The following ZNF695 variants were observed in gnomAD, a reference collection of about 807,000 sequenced individuals.
ZNF695 encodes zinc finger protein 695.
In ZNF695, 11 loss-of-function variants were observed where a neutral mutation model predicts 11.2. The observed-to-expected ratio is 0.98, with a 90% CI of 0.62 to 1.62. The LOEUF is 1.62. Among genes scored for constraint, ZNF695 ranks in the 40% most tolerant of loss-of-function variants. ZNF695 has a pLI of 0.00. For synonymous variants in ZNF695, 190 were observed against 201.4 expected, an observed-to-expected ratio of 0.94 and a Z score of 0.48; for missense variants, 559 against 590.5, an observed-to-expected ratio of 0.95 and a Z score of 0.55.
chr1:246,970,198 A>T (rs1337281429), intron 4 of ZNF695, among the ~76,000 whole-genome samples: 1 of 152,232 alleles, frequency 6.6e-6, no homozygotes, highest in East Asian at 1.9e-4. Context: ...CCGACAGTGA[A>T]AGAGTGATTG....
chr1:246,962,850 G>A (rs1302852274), intron 5 of ZNF695, among the ~76,000 whole-genome samples: 3 of 151,906 alleles, frequency 2.0e-5, no homozygotes, highest in Non-Finnish European at 2.9e-5. Context: ...CCGCCACCAC[G>A]CCCGGCTAAT....
At chr1:246,981,365 A>G (rs1260261485), downstream of ZNF695, among the ~76,000 whole-genome samples, 1 of 152,228 alleles carries the variant, frequency 6.6e-6, no homozygotes, top group East Asian at 1.9e-4. Flanking sequence ...TGACACAGCA[A>G]TTTTACTATT....
chr1:246,982,531 A>G (rs1668736839), downstream of ZNF695, among the ~76,000 whole-genome samples: 2 of 152,216 alleles, frequency 1.3e-5, no homozygotes, highest in Non-Finnish European at 2.9e-5. Flanking sequence ...ATAGTCCAAT[A>G]TTATTAAAGC....
At chr1:246,976,523 G>A (rs755362194) in intron 4 of ZNF695, among the ~76,000 whole-genome samples, 16 of 151,950 alleles carry the variant, frequency 1.1e-4, no homozygotes, top group East Asian at 3.8e-4. Flanking sequence ...GGCCGGGCGC[G>A]GTGGCTCACA....
At chr1:247,000,560 T>A (rs1343178434) in intron 1 of ZNF695, among the ~76,000 whole-genome samples, 2 of 152,172 alleles carry the variant, frequency 1.3e-5, no homozygotes, top group East Asian at 3.8e-4. Flanking sequence ...CTCTAATGTA[T>A]TCTCTCTGAG....
rs551315725 is a variant in ZNF695 at position 246,945,725 on chromosome 1, G to C, written c.*72C>G. 4.6e-6 allele frequency: 7 copies of C among 1,509,242 alleles called. No homozygotes were observed. In the East Asian group the frequency reaches 1.5e-4, roughly 32 times the overall value. The allele number at this position is 1,509,242 out of a possible 1,614,324, so 93.5% of individuals were successfully genotyped here. A position where few individuals can be genotyped will look rare whatever the true frequency, so the allele number is the denominator to read the frequency against. ...ACTCGGGCTGACGCAGCTGGACCCG[G>C]TGTAAATTCGCCTCACGGAGCAGGG... On this transcript the variant is annotated 3_prime_UTR_variant, in exon 6 of 6. Transcript: ENST00000487338.
downstream of ZNF695, among the ~76,000 whole-genome samples, chr1:246,981,254 A>G (rs149452114): frequency 0.018 from 2,710 of 152,316 alleles, 54 homozygotes; most frequent in Admixed American, 0.056. Context: ...GTGGGGAAAG[A>G]AAAATGCTAG....
At chr1:246,951,928 G>C (rs553038226) in intron 5 of ZNF695, among the ~76,000 whole-genome samples, 1 of 152,254 alleles carries the variant, frequency 6.6e-6, no homozygotes, top group African/African-American at 2.4e-5. Context: ...GTTCATCTTT[G>C]TTTACTGTCT....
In ZNF695 at chr1:246,985,877, A is replaced by G; in HGVS notation, c.*1090T>C. ...TGTCCATAATCTTCCAAAGAAAAGG[A>G]TATGAACAACACCCACCCGAATATA... On this transcript the variant is annotated 3_prime_UTR_variant, in exon 4 of 4. Coordinates refer to ENST00000339986, the MANE Select transcript of ZNF695 (RefSeq NM_020394.5). 1 of 985,442 alleles carries G rather than the reference A, an allele frequency of 1.0e-6. No individual in the cohort carries two copies. The highest frequency in any genetic ancestry group is 1.2e-6 in the Non-Finnish European group (1 of 829,942). 61.0% of individuals were successfully genotyped at this position (985,442 alleles called of 1,614,324 possible).
downstream of ZNF695, among the ~76,000 whole-genome samples, chr1:246,980,748 G>A (rs918522911): frequency 4.6e-5 from 7 of 152,202 alleles, no homozygotes; most frequent in South Asian, 2.1e-4. Context: ...GTACATTTTA[G>A]AGGCATTAAG....
rs1211048813 is a variant in ZNF695 at position 246,986,344 on chromosome 1, A to C, written c.*623T>G. ...CGGCATCCAAAAGTGCAGCAACTAT[A>C]GGAAAGAGCCACCGTGCCTGGCACC... On this transcript the variant is annotated 3_prime_UTR_variant, in exon 4 of 4. Transcript: ENST00000339986. 5 of 983,170 alleles carry C rather than the reference A, an allele frequency of 5.1e-6. No individual in the cohort carries two copies. Among genetic ancestry groups the C allele is most frequent in the Non-Finnish European group, 4.8e-6 (4 of 827,972 alleles). 60.9% of individuals were successfully genotyped at this position (983,170 alleles called of 1,614,324 possible). A position where few individuals can be genotyped will look rare whatever the true frequency, so the allele number is the denominator to read the frequency against.
rs534909698 is a variant in ZNF695, at chr1:246,977,177, A to G, written c.391-9385T>C. Among the ~76,000 whole-genome samples the G allele has an allele frequency of 1.1e-3, 162 of 152,240 alleles. 4 individuals are homozygous for G. Among genetic ancestry groups the G allele is most frequent in the Non-Finnish European group, 1.2e-3 (84 of 68,012 alleles). ...CTTTCATATGTGCCAAAATAAATCT[A>G]CTCATCAGTGCCCACTGGTATTTTA... On this transcript the variant is annotated intron_variant, in intron 4 of 5. Coordinates refer to the ZNF695 transcript ENST00000487338.
intron 3 of ZNF695, among the ~76,000 whole-genome samples, chr1:246,991,708 T>A (rs1669038328): frequency 1.3e-5 from 2 of 152,162 alleles, no homozygotes; most frequent in East Asian, 3.9e-4. Context: ...AAGAACAGTT[T>A]GGAGGTTTCT....
intron 4 of ZNF695, among the ~76,000 whole-genome samples, chr1:246,975,325 A>C (rs558180011): frequency 6.6e-6 from 1 of 152,272 alleles, no homozygotes; most frequent in African/African-American, 2.4e-5. Flanking sequence ...ATATCCACCA[A>C]TATTTATTGT....
intron 5 of ZNF695, among the ~76,000 whole-genome samples, chr1:246,958,613 T>G (rs1276140414): frequency 6.6e-6 from 1 of 152,082 alleles, no homozygotes; most frequent in Non-Finnish European, 1.5e-5. Context: ...TGATCCTGAG[T>G]GAATGATCCC....
chr1:247,007,798 G>C, intron 1 of ZNF695, 108 bp downstream of exon 1: 1 of 1,360,898 alleles, frequency 7.3e-7, no homozygotes. Context: ...GCACACTCCG[G>C]AGCCGACCGC....
chr1:246,968,770 A>C (rs1011146549), intron 4 of ZNF695: 4 of 152,254 alleles, frequency 2.6e-5, no homozygotes, highest in Non-Finnish European at 4.4e-5. Context: ...CACCATCTGG[A>C]AGCCTCCAAG....
chr1:247,007,190 G>A (rs1262497339), intron 1 of ZNF695, among the ~76,000 whole-genome samples: 2 of 152,028 alleles, frequency 1.3e-5, no homozygotes, highest in Non-Finnish European at 2.9e-5. Context: ...CATTTCAAAG[G>A]TGCTTCAGTT....
chr1:247,007,323 C>G (rs1234744753), intron 1 of ZNF695, among the ~76,000 whole-genome samples: 1 of 151,832 alleles, frequency 6.6e-6, no homozygotes, highest in Non-Finnish European at 1.5e-5. Flanking sequence ...GGTGAAATCT[C>G]CGTTTCTAAT....
Sources: gnomAD v4.1 joint callset for allele counts (sites outside exome capture counted in the v4.1 genomes callset) on GRCh38, gnomAD v4.1.1 for gene constraint, MANE v1.5 for transcripts, NCBI Gene and HGNC (gene_info 2026-07-23, HGNC 2026-07-21) for gene names.